Variants in BCOR observed in about 807,000 individuals in gnomAD.
The protein encoded by BCOR is BCL6 corepressor.
Under a neutral mutation model 86.7 loss-of-function variants are expected in BCOR, and 10 were observed. The observed-to-expected ratio is 0.12, with a 90% CI of 0.07 to 0.20. The LOEUF (loss-of-function observed/expected upper bound fraction) is 0.20. Ranked by LOEUF, BCOR falls within the 10% of genes least tolerant of loss-of-function variation. The probability of loss-of-function intolerance (pLI) is 1.00; values close to 1 mark genes in which losing one functional copy is unlikely to be tolerated. For missense variants in BCOR, 1,259 were observed against 1,452.1 expected (o/e 0.87, Z 2.16); for synonymous variants, 611 against 609.0 (o/e 1.00, Z -0.05).
chrX:40,110,652 T>TC (rs1937285763), intron 1 of BCOR, among the ~76,000 whole-genome samples: 1 of 91,932 alleles, frequency 1.1e-5, no homozygotes, highest in African/African-American at 3.9e-5. Flanking sequence ...TTCTTTTTTT[T>TC]CTTTTTTCCT....
At chrX:40,064,095 C>G in intron 7 of BCOR, 143 bp from the exon 8 acceptor site, 9 of 637,540 alleles carry the variant, frequency 1.4e-5, no homozygotes, top group Non-Finnish European at 2.1e-5. Context: ...CTTTGGCCAT[C>G]TGGGTTCTGG....
chrX:40,162,776 A>C (rs1249714203), intron 1 of BCOR, among the ~76,000 whole-genome samples: 1 of 112,321 alleles, frequency 8.9e-6, no homozygotes, highest in Non-Finnish European at 1.9e-5. Context: ...AAACAAAATC[A>C]TGTTTTCCAC....
At chrX:40,150,664 T>TC (rs1391983769) in intron 1 of BCOR, among the ~76,000 whole-genome samples, 2 of 111,528 alleles carry the variant, frequency 1.8e-5, no homozygotes, top group African/African-American at 3.3e-5. Flanking sequence ...CTGCTGCAGA[T>TC]CCCCCCGGTG....
chrX:40,156,583 C>A (rs1309445204), intron 1 of BCOR, among the ~76,000 whole-genome samples: 2 of 113,081 alleles, frequency 1.8e-5, no homozygotes, highest in African/African-American at 6.4e-5. Context: ...CACCGCCTAC[C>A]CCCCAGGCCC....
chrX:40,095,783 C>T (rs906553893), intron 1 of BCOR, among the ~76,000 whole-genome samples: 1 of 102,030 alleles, frequency 9.8e-6, no homozygotes, highest in Middle Eastern at 4.6e-3. Flanking sequence ...CGCCCTGGCG[C>T]GCGGGCACTC....
chrX:40,145,383 A>C (rs1056335310), intron 1 of BCOR, among the ~76,000 whole-genome samples: 6 of 110,943 alleles, frequency 5.4e-5, no homozygotes, highest in African/African-American at 2.0e-4. Context: ...CCCGACACAC[A>C]CCCTGTGGTG....
At chrX:40,104,293 G>C (rs1037008605) in intron 1 of BCOR, among the ~76,000 whole-genome samples, 1 of 111,515 alleles carries the variant, frequency 9.0e-6, no homozygotes, top group Non-Finnish European at 1.9e-5. Context: ...TTGTTAATGC[G>C]AAATAAGAAG....
intron 1 of BCOR, among the ~76,000 whole-genome samples, chrX:40,113,712 G>T (rs1937348928): frequency 8.9e-6 from 1 of 111,768 alleles, no homozygotes; most frequent in Non-Finnish European, 1.9e-5. Flanking sequence ...TTTGTTTCTG[G>T]CTGTATGTGC....
intron 1 of BCOR, among the ~76,000 whole-genome samples, chrX:40,138,304 G>A (rs1937732956): frequency 9.0e-6 from 1 of 111,691 alleles, no homozygotes; most frequent in African/African-American, 3.3e-5. Context: ...GTGGAAACTG[G>A]TCACAAGAAG....
Position 40,052,205 on chromosome X carries a change from T to A in BCOR, c.5172A>T (p.Leu1724Phe). 2.5e-6 allele frequency: 3 copies of A among 1,211,403 alleles called. No homozygotes were observed. Among genetic ancestry groups the A allele is most frequent in the Non-Finnish European group, 3.4e-6 (3 of 895,204 alleles). Residue 1724 changes from leucine (L) to phenylalanine (F), a missense_variant, in exon 15 of 15, where the codon TTA becomes TTT. Coordinates refer to ENST00000378444, the MANE Select transcript of BCOR (RefSeq NM_001123385.2). ...TTTCGTTCGTGAATTCCACCAGATC[T>A]AACAGCTCCTTACTTTCAGGGTTGA... is the stretch of plus-strand genomic sequence containing the variant. ...EAFNPESKEL[L>F]DLVEFTNEIQ...
chrX:40,064,337 T>C lies in BCOR; in HGVS notation c.3501A>G (p.Lys1167=), dbSNP rs1224922441. Residue 1167 remains lysine (K), a splice_region_variant and synonymous_variant, in exon 7 of 15, where the codon AAA becomes AAG. Transcript: ENST00000378444. Reference sequence around the variant, plus strand: ...GCGGGCGAAGCAGACAGGGCTCACCTTTAGAGACTCGTCGGCGTTTGGCTT... The same window carrying C: ...GCGGGCGAAGCAGACAGGGCTCACCCTTAGAGACTCGTCGGCGTTTGGCTT... ...LLKAKRRRVS[K]DDWPEREMTN... 8.2e-7 allele frequency: 1 copy of C among 1,212,260 alleles called. No individual in the cohort carries two copies. Among genetic ancestry groups the C allele is most frequent in the African/African-American group, 1.7e-5 (1 of 57,983 alleles).
intron 1 of BCOR, among the ~76,000 whole-genome samples, chrX:40,103,359 G>A (rs1937108261): frequency 9.0e-6 from 1 of 110,786 alleles, no homozygotes; most frequent in Admixed American, 9.6e-5. Flanking sequence ...TTTCCAGCAG[G>A]CTATGTGTCC....
At chrX:40,104,054 C>G (rs1199436202) in intron 1 of BCOR, among the ~76,000 whole-genome samples, 2 of 111,849 alleles carry the variant, frequency 1.8e-5, no homozygotes, top group Non-Finnish European at 3.8e-5. Flanking sequence ...ACCTCGACTG[C>G]AGGATTTCAG....
At chrX:40,076,582 A>G in intron 2 of BCOR, 50 bp from the exon 3 acceptor site, 2 of 982,128 alleles carry the variant, frequency 2.0e-6, no homozygotes, top group Non-Finnish European at 2.9e-6. Flanking sequence ...CACTGAATCC[A>G]TCTTTCACAG....
chrX:40,132,401 C>T (rs1332200737), intron 1 of BCOR, among the ~76,000 whole-genome samples: 2 of 111,165 alleles, frequency 1.8e-5, no homozygotes, highest in African/African-American at 3.3e-5. Context: ...GATCTCAGCT[C>T]ACCACAGCCT....
In BCOR at chrX:40,072,418, T is replaced by A. The variant is rs770832759; in HGVS notation, c.2928A>T (p.Arg976=). The change falls in exon 4 of 15, where the codon CGA becomes CGT. Residue 976 remains arginine, a synonymous_variant. Transcript: ENST00000378444. ...ACAGTTCGGTAGTGACACATTTGAATCGGTCACCCACGTAACCCGCTGAGT... is the reference window on the plus strand; with the variant it reads ...ACAGTTCGGTAGTGACACATTTGAAACGGTCACCCACGTAACCCGCTGAGT... The part of the protein sequence containing the change: ...IANSAGYVGD[R]FKCVTTELYA... The A allele has an allele frequency of 1.7e-6, 2 of 1,209,088 alleles. No individual in the cohort carries two copies. The highest frequency in any genetic ancestry group is 3.5e-5 in the African/African-American group (2 of 57,220).
chrX:40,128,781 C>T (rs1937573215), intron 1 of BCOR, among the ~76,000 whole-genome samples: 1 of 111,439 alleles, frequency 9.0e-6, no homozygotes, highest in South Asian at 3.8e-4. Flanking sequence ...GTTGCCCAGG[C>T]TGGTGTCAAA....
chrX:40,077,417 A>G (rs1485718973), intron 2 of BCOR: 3 of 159,769 alleles, frequency 1.9e-5, no homozygotes, highest in Non-Finnish European at 3.6e-5. Flanking sequence ...CTCTGGGAAC[A>G]GGCAGCAGAG....
chrX:40,145,670 C>T (rs1394310675), intron 1 of BCOR, among the ~76,000 whole-genome samples: 1 of 111,696 alleles, frequency 9.0e-6, no homozygotes, highest in African/African-American at 3.3e-5. Flanking sequence ...GAGAGCGGAT[C>T]AAGGTTTAAG....
Sources: allele counts gnomAD v4.1 joint callset (sites outside exome capture counted in the v4.1 genomes callset), GRCh38; gene constraint gnomAD v4.1.1; transcripts MANE v1.5; gene names NCBI Gene and HGNC (gene_info 2026-07-23, HGNC 2026-07-21).